Variants in RETREG2 observed in about 807,000 individuals in gnomAD.
RETREG2 encodes the protein reticulophagy regulator 2.
In RETREG2, 21 loss-of-function variants were observed where a neutral mutation model predicts 51.6. The ratio of observed to expected loss-of-function variants is 0.41; its 90% CI spans 0.29 to 0.59. The LOEUF (loss-of-function observed/expected upper bound fraction) is 0.59. Ranked by LOEUF, RETREG2 falls within the 20% of genes least tolerant of loss-of-function variation. The pLI is 0.34. For missense variants in RETREG2, 674 were observed against 646.0 expected (o/e 1.04, Z -0.47); for synonymous variants, 339 against 288.6 (o/e 1.17, Z -1.77).
Position 219,182,565 on chromosome 2 carries a change from T to TG in RETREG2, c.1572dup (p.Pro525AlafsTer32). On this transcript the variant is annotated frameshift_variant, in exon 9 of 9. Transcript: ENST00000430297. LOFTEE classifies it high-confidence loss of function. ...CCAAAACCCCCTGATGCTCCACCCCTGGGGCCCGACATCCATTCTCTGGTA... is the reference window on the plus strand; with the variant it reads ...CCAAAACCCCCTGATGCTCCACCCCTGGGGGCCCGACATCCATTCTCTGGTA... 6.2e-7 allele frequency: 1 copy of TG among 1,614,158 alleles called. No individual in the cohort carries two copies. Among genetic ancestry groups the TG allele is most frequent in the East Asian group, 2.2e-5 (1 of 44,882 alleles).
At position 219,180,703 on chromosome 2, in the gene RETREG2, T is replaced by C; in HGVS notation, c.589T>C (p.Leu197=). The change falls in exon 5 of 9, where the codon TTG becomes CTG. Residue 197 remains leucine, a synonymous_variant. Transcript: ENST00000430297. ...TCGAGTCTGCTCTGGCTGTGCTGTG[T>C]TGGCTGTGTTGGGACACTATGTTCC... ...CVRVCSGCAV[L]AVLGHYVPGI... is the part of the protein sequence containing the mutation. 2 of 1,614,062 alleles carry C rather than the reference T, an allele frequency of 1.2e-6. No individual in the cohort carries two copies. The highest frequency in any genetic ancestry group is 1.7e-6 in the Non-Finnish European group (2 of 1,179,874).
At position 219,182,489 on chromosome 2, in the gene RETREG2, G is replaced by C; in HGVS notation, c.1492G>C (p.Gly498Arg). Residue 498 changes from glycine (G) to arginine (R), a missense_variant, in exon 9 of 9, where the codon GGG becomes CGG. Transcript: ENST00000430297. ...TGAGGACTTTGAGTTGCTGGATCAG[G>C]GGGAGCTGGAGCAGCTGAATGCAGA... ...TTEDFELLDQ[G>R]ELEQLNAELG... The C allele has an allele frequency of 3.1e-6, 5 of 1,614,126 alleles. No individual in the cohort carries two copies. Among genetic ancestry groups the C allele is most frequent in the Non-Finnish European group, 4.2e-6 (5 of 1,180,020 alleles).
intron 4 of RETREG2, 103 bp downstream of exon 4, chr2:219,180,348 AAAG>A (rs1405976169): frequency 1.1e-5 from 17 of 1,486,230 alleles, no homozygotes; most frequent in African/African-American, 2.8e-5. Flanking sequence ...GGAGACCCTG[AAAG>A]AAGAGGCCTG....
Position 219,181,141 on chromosome 2 carries a change from C to T in RETREG2, c.720C>T (p.Leu240=). The stretch of plus-strand genomic sequence containing the variant: ...TGTACACTCGCCTGGAGCCCCTGCT[C>T]ATGCAGCTGGACTACAGCATGAAGG... ...QRMYTRLEPL[L]MQLDYSMKAE... The change falls in exon 6 of 9, where the codon CTC becomes CTT. Residue 240 remains leucine (L), a synonymous_variant. Coordinates refer to ENST00000430297, the MANE Select transcript of RETREG2 (RefSeq NM_024293.6). 1.9e-6 allele frequency: 3 copies of T among 1,614,168 alleles called. No individual in the cohort carries two copies. Among genetic ancestry groups the T allele is most frequent in the Non-Finnish European group, 1.7e-6 (2 of 1,180,036 alleles).
At position 219,180,131 on chromosome 2, in the gene RETREG2, C is replaced by T; in HGVS notation, c.441C>T (p.Ala147=). ...CCAGTGAGGGTGCGGGGTCAGGCGCCCGGCCGCACCTGCTGAGTGTGCCCG... is the reference window on the plus strand; with the variant it reads ...CCAGTGAGGGTGCGGGGTCAGGCGCTCGGCCGCACCTGCTGAGTGTGCCCG... ...HSDSEGAGSG[A]RPHLLSVPEL... Residue 147 remains alanine (A), a synonymous_variant, in exon 4 of 9, where the codon GCC becomes GCT. Coordinates refer to ENST00000430297, the MANE Select transcript of RETREG2 (RefSeq NM_024293.6). 1 of 1,614,048 alleles carries T rather than the reference C, an allele frequency of 6.2e-7. No homozygotes were observed. The highest frequency in any genetic ancestry group is 8.5e-7 in the Non-Finnish European group (1 of 1,180,004).
In RETREG2 at chr2:219,182,846, T is replaced by G. The variant is rs1418240545; in HGVS notation, c.*217T>G. ...TTGGTTTTAAATTTGTAAATAATTT[T>G]CCATTTGGGTTAGTGGATGTGAACA... On this transcript the variant is annotated 3_prime_UTR_variant, in exon 9 of 9. Transcript: ENST00000430297. 1 of 604,020 alleles carries G rather than the reference T, an allele frequency of 1.7e-6. No homozygotes were observed. Among genetic ancestry groups the G allele is most frequent in the Non-Finnish European group, 2.9e-6 (1 of 345,758 alleles). 37.4% of individuals were successfully genotyped at this position (604,020 alleles called of 1,614,324 possible).
At chr2:219,180,785 A>G in intron 5 of RETREG2, 31 bp downstream of exon 5, 25 of 1,611,356 alleles carry the variant, frequency 1.6e-5, no homozygotes, top group Non-Finnish European at 2.0e-5. Context: ...CCCTATTTAA[A>G]GCCCTCTCCT....
chr2:219,180,676 G>A lies in RETREG2; in HGVS notation c.562G>A (p.Val188Ile), dbSNP rs544807662. 21 of 1,613,948 alleles carry A rather than the reference G, an allele frequency of 1.3e-5. No homozygotes were observed. The highest frequency in any genetic ancestry group is 4.5e-5 in the East Asian group (2 of 44,886). ...YKRQNPAQFC[V>I]RVCSGCAVLA... The stretch of plus-strand genomic sequence containing the variant: ...CTTTTGCTCTTCTCTGCAGTTCTGC[G>A]TTCGAGTCTGCTCTGGCTGTGCTGT... Residue 188 changes from valine to isoleucine, a missense_variant, in exon 5 of 9, where the codon GTT (valine) becomes ATT (isoleucine). By Grantham distance (29) the Val-to-Ile change is conservative (BLOSUM62 3). Transcript: ENST00000430297.
chr2:219,180,220 A>C lies in RETREG2; in HGVS notation c.530A>C (p.Gln177Pro), dbSNP rs1206608510. The C allele has an allele frequency of 6.2e-7, 1 of 1,614,208 alleles. No homozygotes were observed. Among genetic ancestry groups the C allele is most frequent in the Non-Finnish European group, 8.5e-7 (1 of 1,180,040 alleles). Residue 177 changes from glutamine (Q) to proline (P), a missense_variant, in exon 4 of 9, where the codon CAG (glutamine) becomes CCG (proline). Physicochemically the swap from Gln to Pro is moderately conservative, Grantham distance 76 (BLOSUM62 -1). Transcript: ENST00000430297. The part of the protein sequence containing the change: ...TFQIHLQELL[Q>P]YKRQNPAQFC... Reference sequence around the variant, plus strand: ...CAGATTCACCTGCAGGAGCTGCTGCAGTACAAGAGGCAGAATCCAGCTCAG... The same window carrying C: ...CAGATTCACCTGCAGGAGCTGCTGCCGTACAAGAGGCAGAATCCAGCTCAG...
chr2:219,181,249 C>T, intron 6 of RETREG2, 44 bp downstream of exon 6: 1 of 1,612,288 alleles, frequency 6.2e-7, no homozygotes, highest in South Asian at 1.1e-5. Flanking sequence ...AGCGGGAGGG[C>T]CTTGGCTTGG....
chr2:219,178,952 C>G lies in RETREG2; in HGVS notation c.312C>G (p.Phe104Leu), dbSNP rs1282760796. 6.2e-7 allele frequency: 1 copy of G among 1,614,052 alleles called. No individual in the cohort carries two copies. The highest frequency in any genetic ancestry group is 1.1e-5 in the South Asian group (1 of 91,078). The change falls in exon 2 of 9, where the codon TTC (phenylalanine) becomes TTG (leucine). Residue 104 changes from phenylalanine to leucine, a missense_variant. Physicochemically the swap from Phe to Leu is conservative, Grantham distance 22 (BLOSUM62 0). Transcript: ENST00000430297. Reference protein sequence around the residue: ...WLLSSSSLRPFFLLSVSLLAY... With the variant: ...WLLSSSSLRPLFLLSVSLLAY... ...TGTCTTCCTCGTCCCTCCGGCCCTT[C>G]TTCCTACTCAGCGTCTCACTTTTGG...
At chr2:219,179,940 C>A (rs374499457) in intron 3 of RETREG2, 170 bp from the exon 4 acceptor site, 1 of 1,139,012 alleles carries the variant, frequency 8.8e-7, no homozygotes. Context: ...CCTTTTGGGG[C>A]AGAGGGTTGG....
In RETREG2 at chr2:219,185,294, A is replaced by G. The variant is rs1310991121; in HGVS notation, c.*2665A>G. 6.6e-6 allele frequency: 1 copy of G among 152,208 alleles called. No individual in the cohort carries two copies. The highest frequency in any genetic ancestry group is 1.9e-4 in the East Asian group (1 of 5,202). The allele number at this position is 152,208 out of a possible 1,614,324, so 9.4% of individuals were successfully genotyped here. ...AAAAAGCAGAAATGTGAAACCTACAATTAGGCTAAACAAAAATCAACTGGA... is the reference window on the plus strand; with the variant it reads ...AAAAAGCAGAAATGTGAAACCTACAGTTAGGCTAAACAAAAATCAACTGGA... On this transcript the variant is annotated 3_prime_UTR_variant, in exon 9 of 9. Coordinates refer to ENST00000430297, the MANE Select transcript of RETREG2 (RefSeq NM_024293.6).
At position 219,184,844 on chromosome 2, in the gene RETREG2, T is replaced by TTTTTTTTTTTTTA. The variant is rs1950329773; in HGVS notation, c.*2215_*2216insTTTTTTTTTTTTA. 1.5e-5 allele frequency: 2 copies of TTTTTTTTTTTTTA among 134,138 alleles called. No individual in the cohort carries two copies. The highest frequency in any genetic ancestry group is 1.5e-5 in the Non-Finnish European group (1 of 65,888). The allele number at this position is 134,138 out of a possible 1,614,324, so 8.3% of individuals were successfully genotyped here. ...TTGTGGGTTTTTTTTTTTTTTTTTTTGAGACGGAGTCTTGTTCTGTTGCCC... is the reference window on the plus strand; with the variant it reads ...TTGTGGGTTTTTTTTTTTTTTTTTTTTTTTTTTTTTTTAGAGACGGAGTCTTGTTCTGTTGCCC... On this transcript the variant is annotated 3_prime_UTR_variant, in exon 9 of 9. Transcript: ENST00000430297.
In RETREG2 at chr2:219,184,436, CCTGT is replaced by C. The variant is rs754425603; in HGVS notation, c.*1810_*1813del. On this transcript the variant is annotated 3_prime_UTR_variant, in exon 9 of 9. Transcript: ENST00000430297. ...CTGGAGGTACCATATGGTAATGCTG[CCTGT>C]CTTTCTGAGGTTGACTTTTATGCCA... 1.3e-5 allele frequency: 2 copies of C among 152,226 alleles called. No homozygotes were observed. Among genetic ancestry groups the C allele is most frequent in the Non-Finnish European group, 1.5e-5 (1 of 68,020 alleles). 9.4% of individuals were successfully genotyped at this position (152,226 alleles called of 1,614,324 possible).
At chr2:219,180,568 GTACATACCCATCCTT>G in intron 4 of RETREG2, 87 bp from the exon 5 acceptor site, 1 of 1,592,784 alleles carries the variant, frequency 6.3e-7, no homozygotes, top group Non-Finnish European at 8.5e-7. Flanking sequence ...CATTCCTTGA[GTACATACCCATCCTT>G]CTACCAGCTG....
In RETREG2 at chr2:219,178,612, C is replaced by T; in HGVS notation, c.260C>T (p.Ala87Val). The T allele has an allele frequency of 6.8e-7, 1 of 1,461,056 alleles. No individual in the cohort carries two copies. Among genetic ancestry groups the T allele is most frequent in the South Asian group, 1.3e-5 (1 of 75,362 alleles). 90.5% of individuals were successfully genotyped at this position (1,461,056 alleles called of 1,614,324 possible). ...EKPLHSLVTA[A>V]ALNGLFWLLS... ...CCGCTGCACAGCCTGGTCACGGCGG[C>T]CGCGCTCAACGGCCTCTTCTGGTAA... The change falls in exon 1 of 9, where the codon GCC becomes GTC. Residue 87 changes from alanine (A) to valine (V), a missense_variant. Ala to Val is a moderately conservative substitution (Grantham distance 64). Coordinates refer to ENST00000430297, the MANE Select transcript of RETREG2 (RefSeq NM_024293.6).
In RETREG2 at chr2:219,182,426, C is replaced by T. The variant is rs1950295176; in HGVS notation, c.1429C>T (p.Pro477Ser). The T allele has an allele frequency of 2.5e-6, 4 of 1,614,100 alleles. No individual in the cohort carries two copies. Among genetic ancestry groups the T allele is most frequent in the African/African-American group, 1.3e-5 (1 of 75,028 alleles). ...LPPVPQDSPQ[P>S]LPAPEEEEAL... is the part of the protein sequence containing the mutation. The stretch of plus-strand genomic sequence containing the variant: ...ACCTGTTCCCCAGGACTCACCCCAG[C>T]CCCTGCCTGCCCCTGAGGAAGAAGA... Residue 477 changes from proline (P) to serine (S), a missense_variant, in exon 9 of 9, where the codon CCC becomes TCC. Pro to Ser is a moderately conservative substitution (Grantham distance 74). Coordinates refer to ENST00000430297, the MANE Select transcript of RETREG2 (RefSeq NM_024293.6).
intron 7 of RETREG2, 37 bp from the exon 8 acceptor site, chr2:219,181,603 C>A (rs192015445): frequency 6.2e-7 from 1 of 1,609,878 alleles, no homozygotes; most frequent in Non-Finnish European, 8.5e-7. Context: ...TTCTCTTATC[C>A]CCTCACATGT....
Sources: allele counts gnomAD v4.1 joint callset, GRCh38; gene constraint gnomAD v4.1.1; transcripts MANE v1.5; gene names NCBI Gene and HGNC (gene_info 2026-07-23, HGNC 2026-07-21).